Variants in FMO3 observed in about 807,000 individuals in gnomAD.
FMO3 encodes flavin-containing monooxygenase 3.
A neutral mutation model predicts 39.4 loss-of-function variants in FMO3; 40 were observed. That is an observed-to-expected ratio of 1.02 (90% confidence interval 0.79 to 1.32). The LOEUF is 1.32. FMO3 is among the 40% of genes most tolerant of loss of function. FMO3 has a pLI of 0.00. For missense variants in FMO3, 680 were observed against 651.8 expected (o/e 1.04, Z -0.47); for synonymous variants, 219 against 228.8 (o/e 0.96, Z 0.39).
chr1:171,096,009 ATACAT>A (rs1654971341), intron 2 of FMO3, among the ~76,000 whole-genome samples: 6 of 60,682 alleles, frequency 9.9e-5, no homozygotes, highest in African/African-American at 2.5e-4. Context: ...ATATATTAAT[ATACAT>A]ATTATATATT....
chr1:171,112,077 G>C (rs1655938353), intron 6 of FMO3, among the ~76,000 whole-genome samples: 1 of 152,128 alleles, frequency 6.6e-6, no homozygotes, highest in Non-Finnish European at 1.5e-5. Context: ...TCCAGACTGA[G>C]GACACAGCCA....
intron 6 of FMO3, 114 bp downstream of exon 6, chr1:171,111,111 C>A: frequency 1.2e-6 from 1 of 839,844 alleles, no homozygotes; most frequent in Non-Finnish European, 2.0e-6. Context: ...ACTCATATAT[C>A]AGAAGATAAA....
Position 171,117,447 on chromosome 1 carries a change from C to T in FMO3, c.*5C>T. ...GTTTTCCTTGTGTTGACCTAATCAT[C>T]ATTTTCTCTAGGATTTCTGAAAGTT... On this transcript the variant is annotated 3_prime_UTR_variant, in exon 9 of 9. Transcript: ENST00000367755. The T allele has an allele frequency of 6.2e-7, 1 of 1,609,766 alleles. No homozygotes were observed. Among genetic ancestry groups the T allele is most frequent in the Non-Finnish European group, 8.5e-7 (1 of 1,176,620 alleles).
rs1463276994 is a variant in FMO3, at chr1:171,096,048, AAATATATAATATATATTATATATT to A, written c.132+3277_132+3300del. Among the ~76,000 whole-genome samples, 5 of 51,614 alleles carry A rather than the reference AAATATATAATATATATTATATATT, an allele frequency of 9.7e-5. No individual in the cohort carries two copies. In the East Asian group the frequency reaches 1.6e-3, roughly 17 times the overall value. The allele number at this position is 51,614 out of a possible 152,430, so 33.9% of individuals were successfully genotyped here. On this transcript the variant is annotated intron_variant, in intron 2 of 8. Coordinates refer to ENST00000367755, the MANE Select transcript of FMO3 (RefSeq NM_001002294.3). ...TTAATATATAATATATATTATATATAAATATATAATATATATTATATATTAATATATAATATATATTAATATTTT... is the reference window on the plus strand; with the variant it reads ...TTAATATATAATATATATTATATATAAATATATAATATATATTAATATTTT...
intron 6 of FMO3, among the ~76,000 whole-genome samples, chr1:171,111,336 G>C (rs1016640640): frequency 6.6e-6 from 1 of 152,104 alleles, no homozygotes; most frequent in Non-Finnish European, 1.5e-5. Context: ...ATTATGAAGA[G>C]AGCTCTACTA....
Position 171,108,008 on chromosome 1 carries a change from G to A in FMO3, c.485-71G>A, listed in dbSNP as rs1287680222. The A allele has an allele frequency of 5.9e-6, 9 of 1,528,380 alleles. No individual in the cohort carries two copies. The South Asian group carries it at 7.9e-5, about 13-fold the overall frequency. 94.7% of individuals were successfully genotyped at this position (1,528,380 alleles called of 1,614,324 possible). Reference sequence around the variant, plus strand: ...TTATTGTGACTGCATCTATTCACAAGGTCGCTTCTGTTAAAGTCTTTGTTT... The same window carrying A: ...TTATTGTGACTGCATCTATTCACAAAGTCGCTTCTGTTAAAGTCTTTGTTT... On this transcript the variant is annotated intron_variant, in intron 4 of 8. Coordinates refer to ENST00000367755, the MANE Select transcript of FMO3 (RefSeq NM_001002294.3).
intron 2 of FMO3, among the ~76,000 whole-genome samples, chr1:171,099,370 A>G (rs1201866550): frequency 1.3e-5 from 2 of 152,166 alleles, no homozygotes; most frequent in Non-Finnish European, 2.9e-5. Context: ...AACATCTTAT[A>G]CAATGTTGTG....
At chr1:171,096,030 A>AAATATATAATACATATTATATAT (rs1557932978) in intron 2 of FMO3, among the ~76,000 whole-genome samples, 1 of 60,006 alleles carries the variant, frequency 1.7e-5, no homozygotes, top group African/African-American at 7.6e-5. Context: ...ATATTAATAT[A>AAATATATAATACATATTATATAT]TAATATATAT....
intron 2 of FMO3, among the ~76,000 whole-genome samples, chr1:171,099,029 G>A (rs1314153928): frequency 1.3e-5 from 2 of 151,954 alleles, no homozygotes; most frequent in East Asian, 3.9e-4. Flanking sequence ...TCTCTTGTGG[G>A]CATTTAGTGC....
chr1:171,096,947 C>A (rs77873435), intron 2 of FMO3, among the ~76,000 whole-genome samples: 42,400 of 149,950 alleles, frequency 0.28, 6,828 homozygotes, highest in African/African-American at 0.43. Flanking sequence ...CCACTCCCCC[C>A]GCCCCACAAC....
chr1:171,092,357 G>A (rs1236902595), intron 1 of FMO3, among the ~76,000 whole-genome samples: 1 of 151,898 alleles, frequency 6.6e-6, no homozygotes, highest in African/African-American at 2.4e-5. Context: ...GTAGCTGGGA[G>A]TACAGGCATG....
At position 171,117,201 on chromosome 1, in the gene FMO3, C is replaced by G. The variant is rs1419471711; in HGVS notation, c.1358C>G (p.Thr453Arg). 4.3e-6 allele frequency: 7 copies of G among 1,614,204 alleles called. No homozygotes were observed. The Admixed American group carries it at 1.2e-4, about 27-fold the overall frequency. The part of the protein sequence containing the change: ...AKPNIPWLFL[T>R]DPKLAMEVYF... ...CCCAACATCCCATGGCTGTTTCTCA[C>G]AGATCCCAAATTGGCCATGGAAGTT... The change falls in exon 9 of 9, where the codon ACA becomes AGA. Residue 453 changes from threonine to arginine, a missense_variant. Thr to Arg is a moderately conservative substitution (Grantham distance 71, BLOSUM62 -1). Coordinates refer to ENST00000367755, the MANE Select transcript of FMO3 (RefSeq NM_001002294.3).
At chr1:171,108,046 C>CAAA in intron 4 of FMO3, 33 bp from the exon 5 acceptor site, 1 of 1,610,726 alleles carries the variant, frequency 6.2e-7, no homozygotes, top group East Asian at 2.2e-5. Context: ...ATATATGACT[C>CAAA]AAACTGCCAT....
intron 3 of FMO3, among the ~76,000 whole-genome samples, chr1:171,107,438 T>TC (rs953922958): frequency 2.0e-5 from 3 of 152,292 alleles, no homozygotes; most frequent in African/African-American, 7.2e-5. Context: ...CTGCCATATC[T>TC]CCAAGGGGTG....
At position 171,096,189 on chromosome 1, in the gene FMO3, A is replaced by C. The variant is rs1170877321; in HGVS notation, c.132+3399A>C. On this transcript the variant is annotated intron_variant, in intron 2 of 8. Coordinates refer to ENST00000367755, the MANE Select transcript of FMO3 (RefSeq NM_001002294.3). ...ATATAATTATATATAATATATTAAT[A>C]TATATTTATATCAATATAATATTTA... Among the ~76,000 whole-genome samples, 8 of 88,650 alleles carry C rather than the reference A, an allele frequency of 9.0e-5. No individual in the cohort carries two copies. In the South Asian group the frequency reaches 3.0e-3, roughly 33 times the overall value. The allele number at this position is 88,650 out of a possible 152,430, so 58.2% of individuals were successfully genotyped here.
chr1:171,095,635 C>T (rs1430400660), intron 2 of FMO3, among the ~76,000 whole-genome samples: 1 of 149,648 alleles, frequency 6.7e-6, no homozygotes, highest in African/African-American at 2.5e-5. Context: ...ATTATAAAGA[C>T]ATGAGATATC....
intron 2 of FMO3, chr1:171,100,869 G>A (rs932480269): frequency 3.5e-6 from 1 of 283,344 alleles, no homozygotes; most frequent in Non-Finnish European, 7.1e-6. Context: ...AAGAGAAAAG[G>A]GTATTTGCAA....
At chr1:171,111,684 T>C (rs1655917440) in intron 6 of FMO3, among the ~76,000 whole-genome samples, 1 of 152,156 alleles carries the variant, frequency 6.6e-6, no homozygotes, top group Non-Finnish European at 1.5e-5. Context: ...TAACAAGAAA[T>C]GACTTTGACA....
chr1:171,096,085 ATATTAATATTTTTATATAATTAAT>A, intron 2 of FMO3, among the ~76,000 whole-genome samples: 1 of 79,930 alleles, frequency 1.3e-5, no homozygotes, highest in Non-Finnish European at 2.1e-5. Context: ...TATATAATAT[ATATTAATATTTTTATATAATTAAT>A]TATTATATAT....
Sources: gnomAD v4.1 joint callset for allele counts (sites outside exome capture counted in the v4.1 genomes callset) on GRCh38, gnomAD v4.1.1 for gene constraint, MANE v1.5 for transcripts, NCBI Gene and HGNC (gene_info 2026-07-23, HGNC 2026-07-21) for gene names.